Variants in ZNF654 observed in about 807,000 individuals in gnomAD.
The protein encoded by ZNF654 is zinc finger protein 654, also known as melanoma-associated antigen.
A neutral mutation model predicts 95.3 loss-of-function variants in ZNF654; 19 were observed. The observed-to-expected ratio is 0.20, with a 90% confidence interval of 0.14 to 0.29. ZNF654 has a LOEUF of 0.29. ZNF654 is among the 10% of genes least tolerant of loss of function. The pLI is 1.00. For missense variants in ZNF654, 1,046 were observed against 1,341.0 expected, an observed-to-expected ratio of 0.78 and a Z score of 3.44; for synonymous variants, 413 against 457.9, an observed-to-expected ratio of 0.90 and a Z score of 1.25.
At position 88,140,711 on chromosome 3, in the gene ZNF654, A is replaced by G; in HGVS notation, c.3042A>G (p.Val1014=). 1 of 1,613,768 alleles carries G rather than the reference A, an allele frequency of 6.2e-7. No individual in the cohort carries two copies. The highest frequency in any genetic ancestry group is 8.5e-7 in the Non-Finnish European group (1 of 1,179,752). ...TENGSILPSV[V]PQEHNTLPVS... is the part of the protein sequence containing the mutation. ...ATGGTTCCATTTTGCCCAGTGTTGT[A>G]CCACAAGAACACAACACCTTGCCAG... Residue 1014 remains valine, a synonymous_variant, in exon 8 of 9, where the codon GTA becomes GTG. Transcript: ENST00000636215.
At chr3:88,118,344 A>G (rs559675455) in intron 3 of ZNF654, among the ~76,000 whole-genome samples, 2 of 152,216 alleles carry the variant, frequency 1.3e-5, no homozygotes, top group Admixed American at 6.5e-5. Context: ...GCTCAACGCT[A>G]TCTCACTGCG....
In ZNF654 at chr3:88,140,810, C is replaced by T. The variant is rs200909136; in HGVS notation, c.3141C>T (p.Tyr1047=). 67 of 1,613,684 alleles carry T rather than the reference C, an allele frequency of 4.2e-5. No homozygotes were observed. In the East Asian group the frequency reaches 1.1e-3, roughly 27 times the overall value. ...TSYGLILTKP[Y]VRPLPPSYLD... is the part of the protein sequence containing the mutation. ...ATGGCTTAATTTTAACAAAACCATA[C>T]GTCAGACCATTGCCTCCCAGTTACC... The change falls in exon 8 of 9, where the codon TAC becomes TAT. Residue 1047 remains tyrosine (Y), a synonymous_variant. Coordinates refer to ENST00000636215, the MANE Select transcript of ZNF654 (RefSeq NM_001350134.2).
At chr3:88,094,364 T>C (rs6792208) in intron 2 of ZNF654, among the ~76,000 whole-genome samples, 119,008 of 151,902 alleles carry the variant, frequency 0.78, 47,531 homozygotes, top group South Asian at 0.91. Flanking sequence ...GATTTTGGAG[T>C]AAAGTGGTTG....
chr3:88,128,394 A>T (rs1224024036), intron 4 of ZNF654, among the ~76,000 whole-genome samples: 1 of 152,094 alleles, frequency 6.6e-6, no homozygotes. Context: ...CATGGTTTTA[A>T]TGTGACAGAT....
intron 2 of ZNF654, among the ~76,000 whole-genome samples, chr3:88,110,916 T>TC (rs1297117643): frequency 6.6e-6 from 1 of 152,104 alleles, no homozygotes. Context: ...ATGTGGTTTT[T>TC]CTCTTTTTAA....
chr3:88,143,657 A>C lies in ZNF654; in HGVS notation c.*2005A>C, dbSNP rs1260912499. On this transcript the variant is annotated 3_prime_UTR_variant, in exon 9 of 9. Transcript: ENST00000636215. ...TCCATTTTCATTACTTTTACTGTTC[A>C]TGCCAAGATGTTTCAAATATATTCC... The C allele has an allele frequency of 2.6e-5, 4 of 152,314 alleles. No homozygotes were observed. The South Asian group carries it at 8.3e-4, about 31-fold the overall frequency. The allele number at this position is 152,314 out of a possible 1,614,324, so 9.4% of individuals were successfully genotyped here. A position where few individuals can be genotyped will look rare whatever the true frequency, so the allele number is the denominator to read the frequency against.
chr3:88,070,589 T>G (rs1707456431), intron 1 of ZNF654, among the ~76,000 whole-genome samples: 2 of 91,894 alleles, frequency 2.2e-5, no homozygotes, highest in African/African-American at 5.4e-5. Flanking sequence ...TTTTTTTTTT[T>G]GCAGATCATA....
At position 88,063,836 on chromosome 3, in the gene ZNF654, C is replaced by T. The variant is rs185163534; in HGVS notation, c.186+4331C>T. 5.3e-3 allele frequency among the ~76,000 whole-genome samples: 808 copies of T among 152,158 alleles called. 4 individuals are homozygous for T. The highest frequency in any genetic ancestry group is 0.017 in the African/African-American group (693 of 41,476). On this transcript the variant is annotated intron_variant, in intron 1 of 8. Coordinates refer to ENST00000636215, the MANE Select transcript of ZNF654 (RefSeq NM_001350134.2). ...TTACTAGTCATCCTTGTCTTAGCAT[C>T]CCGAGTTTGTGTCATGATCCAGGGT...
At chr3:88,106,618 C>G (rs1334676635) in intron 2 of ZNF654, among the ~76,000 whole-genome samples, 1 of 152,216 alleles carries the variant, frequency 6.6e-6, no homozygotes. Context: ...GCTGGGATTA[C>G]AGGTGTGAGC....
At chr3:88,068,737 A>G (rs1158918040) in intron 1 of ZNF654, among the ~76,000 whole-genome samples, 2 of 152,162 alleles carry the variant, frequency 1.3e-5, no homozygotes, top group African/African-American at 4.8e-5. Context: ...CATTTAATCC[A>G]CTACCCTACA....
chr3:88,127,454 AAAC>A (rs1156965776), intron 4 of ZNF654, among the ~76,000 whole-genome samples: 1 of 150,796 alleles, frequency 6.6e-6, no homozygotes, highest in Non-Finnish European at 1.5e-5. Context: ...GTTAAAAAAA[AAAC>A]TAAAAGGGAG....
At chr3:88,123,733 A>G (rs1705919834) in intron 3 of ZNF654, among the ~76,000 whole-genome samples, 1 of 152,186 alleles carries the variant, frequency 6.6e-6, no homozygotes, top group African/African-American at 2.4e-5. Flanking sequence ...AGACAACTAG[A>G]AAGATGGATT....
chr3:88,127,739 A>G (rs1489363429), intron 4 of ZNF654, among the ~76,000 whole-genome samples: 1 of 152,172 alleles, frequency 6.6e-6, no homozygotes, highest in Non-Finnish European at 1.5e-5. Flanking sequence ...TAGGCTGGGA[A>G]TTACATTAAA....
In ZNF654 at chr3:88,089,191, TAA is replaced by T. The variant is rs11328694; in HGVS notation, c.332+2806_332+2807del. On this transcript the variant is annotated intron_variant, in intron 2 of 8. Transcript: ENST00000636215. ...GCAAGTCTTACTCAAGCTTACGTAT[TAA>T]AAAAAAAAAAAAAAAAGCCCGGGTG... 2.7e-3 allele frequency among the ~76,000 whole-genome samples: 352 copies of T among 131,182 alleles called. 1 individual carries two copies. The highest frequency in any genetic ancestry group is 4.0e-3 in the Middle Eastern group (1 of 248). The allele number at this position is 131,182 out of a possible 152,430, so 86.1% of individuals were successfully genotyped here.
chr3:88,072,357 CA>C (rs1248597745), intron 1 of ZNF654, among the ~76,000 whole-genome samples: 1 of 152,172 alleles, frequency 6.6e-6, no homozygotes, highest in Non-Finnish European at 1.5e-5. Context: ...AGGCCTCTTC[CA>C]AACCTTCCAT....
chr3:88,059,266 C>T lies in ZNF654; in HGVS notation c.-54C>T, dbSNP rs562910146. ...AGGAGGAGGAGGTTAGCCTAGGCAT[C>T]TACGGCGGCGGCGGCGGCGCAGGGG... On this transcript the variant is annotated 5_prime_UTR_variant, in exon 1 of 9. Coordinates refer to ENST00000636215, the MANE Select transcript of ZNF654 (RefSeq NM_001350134.2). 7.8e-5 allele frequency: 120 copies of T among 1,531,922 alleles called. 1 individual carries two copies. The South Asian group carries it at 1.3e-3, about 17-fold the overall frequency. The allele number at this position is 1,531,922 out of a possible 1,614,324, so 94.9% of individuals were successfully genotyped here.
chr3:88,103,120 CT>C (rs1704530238), intron 2 of ZNF654, among the ~76,000 whole-genome samples: 2 of 152,068 alleles, frequency 1.3e-5, no homozygotes, highest in South Asian at 4.2e-4. Context: ...GGATAATGGC[CT>C]TATATAATGA....
Position 88,140,758 on chromosome 3 carries a change from C to T in ZNF654, c.3089C>T (p.Pro1030Leu), listed in dbSNP as rs775958795. 4 of 1,613,588 alleles carry T rather than the reference C, an allele frequency of 2.5e-6. No individual in the cohort carries two copies. The highest frequency in any genetic ancestry group is 1.7e-5 in the Admixed American group (1 of 59,968). Reference sequence around the variant, plus strand: ...CCAGTATCTCAGGCACCTTCCAAACCAAATCTGACAAGTGAACATACTTCA... The same window carrying T: ...CCAGTATCTCAGGCACCTTCCAAACTAAATCTGACAAGTGAACATACTTCA... ...TLPVSQAPSK[P>L]NLTSEHTSYG... Residue 1030 changes from proline (P) to leucine (L), a missense_variant, in exon 8 of 9, where the codon CCA becomes CTA. Physicochemically the swap from Pro to Leu is moderately conservative, Grantham distance 98. Transcript: ENST00000636215.
chr3:88,095,277 T>C, intron 2 of ZNF654: 1 of 173,582 alleles, frequency 5.8e-6, no homozygotes, highest in Non-Finnish European at 1.2e-5. Flanking sequence ...TACCATCTTT[T>C]CTCCTGTGGA....
Sources: gnomAD v4.1 joint callset for allele counts (sites outside exome capture counted in the v4.1 genomes callset) on GRCh38, gnomAD v4.1.1 for gene constraint, MANE v1.5 for transcripts, NCBI Gene and HGNC (gene_info 2026-07-23, HGNC 2026-07-21) for gene names.